The following PDZRN4 variants were observed in gnomAD, a reference collection of about 807,000 sequenced individuals.
PDZRN4 encodes the protein PDZ domain containing ring finger 4.
Under a neutral mutation model 99.0 loss-of-function variants are expected in PDZRN4, and 70 were observed. The ratio of observed to expected loss-of-function variants is 0.71; its 90% CI spans 0.58 to 0.86. PDZRN4 has a LOEUF of 0.86. Ranked by LOEUF, PDZRN4 falls within the 40% of genes least tolerant of loss-of-function variation. The probability of loss-of-function intolerance (pLI) is 0.00; values close to 1 mark genes in which losing one functional copy is unlikely to be tolerated. For synonymous variants in PDZRN4, 551 were observed against 501.6 expected, an observed-to-expected ratio of 1.10 and a Z score of -1.32; for missense variants, 1,474 against 1,331.2, an observed-to-expected ratio of 1.11 and a Z score of -1.67.
intron 3 of PDZRN4, among the ~76,000 whole-genome samples, chr12:41,347,969 A>G (rs573664975): frequency 6.6e-6 from 1 of 152,244 alleles, no homozygotes; most frequent in Non-Finnish European, 1.5e-5. Context: ...TTTGCCTAAT[A>G]AGGAGGAACA....
intron 3 of PDZRN4, among the ~76,000 whole-genome samples, chr12:41,485,755 A>T (rs1472178594): frequency 6.6e-6 from 1 of 152,180 alleles, no homozygotes; most frequent in Non-Finnish European, 1.5e-5. Context: ...AAAATCCAGA[A>T]ATCATTTATT....
At chr12:41,327,212 T>TC (rs1271975964) in intron 3 of PDZRN4, among the ~76,000 whole-genome samples, 1 of 152,152 alleles carries the variant, frequency 6.6e-6, no homozygotes, top group African/African-American at 2.4e-5. Flanking sequence ...TATTTCTCTC[T>TC]CCCCCAGTAG....
intron 3 of PDZRN4, among the ~76,000 whole-genome samples, chr12:41,283,753 A>G (rs1951404442): frequency 6.6e-6 from 1 of 152,238 alleles, no homozygotes; most frequent in African/African-American, 2.4e-5. Flanking sequence ...AATCAAGGAC[A>G]AAAATCACGT....
At chr12:41,445,041 AT>A (rs1353622691) in intron 3 of PDZRN4, among the ~76,000 whole-genome samples, 1 of 152,016 alleles carries the variant, frequency 6.6e-6, no homozygotes, top group Middle Eastern at 3.2e-3. Context: ...TATTAAAAAT[AT>A]ATAACTTCTT....
chr12:41,215,440 G>A (rs1950914047), intron 3 of PDZRN4, among the ~76,000 whole-genome samples: 1 of 151,982 alleles, frequency 6.6e-6, no homozygotes, highest in African/African-American at 2.4e-5. Context: ...GCTTGATGGT[G>A]TTCTTGAATG....
At chr12:41,495,842 T>C (rs1437801972) in intron 3 of PDZRN4, among the ~76,000 whole-genome samples, 1 of 152,044 alleles carries the variant, frequency 6.6e-6, no homozygotes, top group African/African-American at 2.4e-5. Flanking sequence ...GGGGTTCCTC[T>C]CCTTTCTCCC....
rs1475192073 is a variant in PDZRN4, at chr12:41,567,904, G to A, written c.1584+5G>A. 1 of 1,534,946 alleles carries A rather than the reference G, an allele frequency of 6.5e-7. No individual in the cohort carries two copies. Among genetic ancestry groups the A allele is most frequent in the East Asian group, 2.3e-5 (1 of 44,064 alleles). ...ACTGCCAATGAGGTGGAGCAGGTAG[G>A]GCCAACAATTTGAACTACATCATTT... On this transcript the variant is annotated splice_donor_5th_base_variant and intron_variant, in intron 9 of 9. Transcript: ENST00000402685.
intron 3 of PDZRN4, among the ~76,000 whole-genome samples, chr12:41,495,595 C>T (rs1282391689): frequency 6.6e-6 from 1 of 152,100 alleles, no homozygotes. Context: ...AAATGGTTTC[C>T]CTGCTTCCAT....
chr12:41,303,988 T>C (rs1951553339), intron 3 of PDZRN4, among the ~76,000 whole-genome samples: 1 of 152,174 alleles, frequency 6.6e-6, no homozygotes, highest in Admixed American at 6.5e-5. Flanking sequence ...TCTCATGCTC[T>C]AGGTAAGGAA....
chr12:41,245,362 T>G (rs984101844), intron 3 of PDZRN4, among the ~76,000 whole-genome samples: 3 of 152,196 alleles, frequency 2.0e-5, no homozygotes, highest in Non-Finnish European at 2.9e-5. Context: ...ATTATATGCC[T>G]GATACTATTT....
At chr12:41,359,655 G>C (rs1286118464) in intron 3 of PDZRN4, among the ~76,000 whole-genome samples, 3 of 151,800 alleles carry the variant, frequency 2.0e-5, no homozygotes, top group Non-Finnish European at 4.4e-5. Flanking sequence ...CTCTCTTTTT[G>C]CCTGTCTCCA....
intron 3 of PDZRN4, among the ~76,000 whole-genome samples, chr12:41,245,890 A>G (rs75067025): frequency 0.012 from 1,901 of 152,296 alleles, 40 homozygotes; most frequent in African/African-American, 0.043. Context: ...CTGGGCTACA[A>G]ATTAGATGTG....
intron 3 of PDZRN4, among the ~76,000 whole-genome samples, chr12:41,326,721 C>A (rs908966332): frequency 2.0e-5 from 3 of 152,098 alleles, no homozygotes; most frequent in Admixed American, 1.3e-4. Flanking sequence ...CCACAAGAGT[C>A]CTAACTAGAT....
intron 3 of PDZRN4, among the ~76,000 whole-genome samples, chr12:41,486,157 C>G (rs1937769446): frequency 6.6e-6 from 1 of 152,072 alleles, no homozygotes; most frequent in South Asian, 2.1e-4. Context: ...GGCTGGATGA[C>G]CACTGGACAG....
intron 5 of PDZRN4, among the ~76,000 whole-genome samples, chr12:41,520,739 C>G (rs1938481011): frequency 6.6e-6 from 1 of 151,670 alleles, no homozygotes; most frequent in East Asian, 1.9e-4. Context: ...TCTTTTGGCT[C>G]ATTTCAAACC....
Position 41,286,815 on chromosome 12 carries a change from C to T in PDZRN4, c.843+92627C>T, listed in dbSNP as rs542249658. ...ATGACTCTGATGATGTATTATGACA[C>T]ACACCCCATACATGCGAAGTTATGA... is the stretch of plus-strand genomic sequence containing the variant. On this transcript the variant is annotated intron_variant, in intron 3 of 9. Coordinates refer to ENST00000402685, the MANE Select transcript of PDZRN4 (RefSeq NM_001164595.2). 6.6e-5 allele frequency among the ~76,000 whole-genome samples: 10 copies of T among 152,326 alleles called. No individual in the cohort carries two copies. The South Asian group carries it at 1.9e-3, about 28-fold the overall frequency.
At chr12:41,548,809 C>T (rs1939003563) in intron 5 of PDZRN4, among the ~76,000 whole-genome samples, 1 of 152,102 alleles carries the variant, frequency 6.6e-6, no homozygotes, top group South Asian at 2.1e-4. Flanking sequence ...ATAAAAATTT[C>T]ACACCGCTGG....
chr12:41,213,850 C>G (rs555988273), intron 3 of PDZRN4, among the ~76,000 whole-genome samples: 1 of 152,152 alleles, frequency 6.6e-6, no homozygotes, highest in East Asian at 1.9e-4. Flanking sequence ...ATTGGAATTT[C>G]AGCCCTGCAA....
intron 3 of PDZRN4, among the ~76,000 whole-genome samples, chr12:41,277,532 A>G (rs1451049209): frequency 6.6e-6 from 1 of 152,196 alleles, no homozygotes; most frequent in Non-Finnish European, 1.5e-5. Flanking sequence ...CGGCCTTCTT[A>G]TCCCAATCTC....
Sources: allele counts gnomAD v4.1 joint callset (sites outside exome capture counted in the v4.1 genomes callset), GRCh38; gene constraint gnomAD v4.1.1; transcripts MANE v1.5; gene names NCBI Gene and HGNC (gene_info 2026-07-23, HGNC 2026-07-21).